Variants in ADGRL2 observed in about 807,000 individuals in gnomAD.
The protein encoded by ADGRL2 is adhesion G protein-coupled receptor L2.
ADGRL2 carries 44 observed loss-of-function variants against 157.4 expected under a neutral mutation model. The ratio of observed to expected loss-of-function variants is 0.28; its 90% CI spans 0.22 to 0.36. ADGRL2 has a LOEUF of 0.36. Among genes scored for constraint, ADGRL2 ranks in the 10% least tolerant of loss-of-function variants. The pLI is 1.00. For synonymous variants in ADGRL2, 585 were observed against 624.7 expected (o/e 0.94, Z 0.95); for missense variants, 1,510 against 1,768.9 (o/e 0.85, Z 2.63).
intron 3 of ADGRL2, among the ~76,000 whole-genome samples, chr1:81,604,010 C>G (rs980274840): frequency 1.4e-5 from 2 of 148,124 alleles, no homozygotes; most frequent in Non-Finnish European, 3.0e-5. Context: ...GTCCTTTAGG[C>G]TGGAATGCAG....
intron 3 of ADGRL2, among the ~76,000 whole-genome samples, chr1:81,586,777 T>G (rs575020664): frequency 6.6e-6 from 1 of 152,086 alleles, no homozygotes; most frequent in Admixed American, 6.6e-5. Flanking sequence ...GTCAAGCAAT[T>G]TTCTCTCACT....
At chr1:81,946,714 T>C (rs1649980178) in intron 6 of ADGRL2, among the ~76,000 whole-genome samples, 1 of 152,168 alleles carries the variant, frequency 6.6e-6, no homozygotes, top group South Asian at 2.1e-4. Context: ...GAATTCATAC[T>C]TCCGGAAATA....
At chr1:81,979,818 A>AT (rs766732992) in intron 17 of ADGRL2, 51 bp from the exon 18 acceptor site, 3 of 1,063,052 alleles carry the variant, frequency 2.8e-6, no homozygotes, top group Non-Finnish European at 2.9e-6. Flanking sequence ...AGAACTATTC[A>AT]TTTTTCAGCT....
intron 1 of ADGRL2, chr1:81,722,776 CGGAG>C (rs2084378057): frequency 2.6e-6 from 2 of 773,224 alleles, no homozygotes; most frequent in Admixed American, 3.8e-5. Flanking sequence ...TGAGAGAGCC[CGGAG>C]GGAGGAAGAA....
In ADGRL2 at chr1:81,343,080, C is replaced by CT. The variant is rs1662196774; in HGVS notation, c.-302+36577dup. On this transcript the variant is annotated intron_variant, in intron 1 of 24. Transcript: ENST00000370721. Reference sequence around the variant, plus strand: ...TTCTCTTTTTTTCTTTTCTTTTTTTCTTTTTTCTTTTCTTTTTTTTTTTTT... The same window carrying CT: ...TTCTCTTTTTTTCTTTTCTTTTTTTCTTTTTTTCTTTTCTTTTTTTTTTTTT... Among the ~76,000 whole-genome samples, 2 of 111,348 alleles carry CT rather than the reference C, an allele frequency of 1.8e-5. 1 individual carries two copies. The highest frequency in any genetic ancestry group is 7.3e-5 in the African/African-American group (2 of 27,316). The allele number at this position is 111,348 out of a possible 152,430, so 73.0% of individuals were successfully genotyped here. A position where few individuals can be genotyped will look rare whatever the true frequency, so the allele number is the denominator to read the frequency against.
Position 81,915,072 on chromosome 1 carries a change from C to G in ADGRL2, c.287+7842C>G, listed in dbSNP as rs192775160. Among the ~76,000 whole-genome samples the G allele has an allele frequency of 3.7e-4, 56 of 152,202 alleles. 1 individual carries two copies. The highest frequency in any genetic ancestry group is 1.3e-3 in the African/African-American group (56 of 41,528). ...AGAAAAGAGAGAAATAATGTCACAT[C>G]AAAAATTCTGCCCTATAGGATCCTT... is the stretch of plus-strand genomic sequence containing the variant. On this transcript the variant is annotated intron_variant, in intron 3 of 23. Coordinates refer to ENST00000686636, the MANE Select transcript of ADGRL2 (RefSeq NM_001366006.2).
intron 3 of ADGRL2, among the ~76,000 whole-genome samples, chr1:81,691,592 G>T (rs974945621): frequency 2.0e-5 from 3 of 151,708 alleles, no homozygotes; most frequent in African/African-American, 7.3e-5. Flanking sequence ...TCCACTTCCT[G>T]GGTTCAAGTG....
chr1:81,384,555 T>G (rs994582732), intron 1 of ADGRL2, among the ~76,000 whole-genome samples: 13 of 152,190 alleles, frequency 8.5e-5, no homozygotes, highest in Admixed American at 7.2e-4. Context: ...CTTTAAAAAA[T>G]GAATCATTTT....
intron 1 of ADGRL2, among the ~76,000 whole-genome samples, chr1:81,826,735 A>C (rs12758179): frequency 0.14 from 21,364 of 152,208 alleles, 1,667 homozygotes; most frequent in East Asian, 0.2. Flanking sequence ...CAGAGACATG[A>C]AAAAAGTCAT....
At chr1:81,662,587 C>G (rs191028922) in intron 3 of ADGRL2, among the ~76,000 whole-genome samples, 20 of 150,568 alleles carry the variant, frequency 1.3e-4, no homozygotes, top group Non-Finnish European at 2.2e-4. Flanking sequence ...CAGAGTCTCG[C>G]TCTGTCGCCC....
intron 3 of ADGRL2, among the ~76,000 whole-genome samples, chr1:81,681,988 A>C (rs2083127366): frequency 6.6e-6 from 1 of 152,218 alleles, no homozygotes; most frequent in Non-Finnish European, 1.5e-5. Flanking sequence ...GAATGAAGTA[A>C]AATTTAGAAA....
chr1:81,936,134 T>C (rs1171281617), intron 3 of ADGRL2, among the ~76,000 whole-genome samples: 3 of 151,938 alleles, frequency 2.0e-5, no homozygotes, highest in Non-Finnish European at 4.4e-5. Flanking sequence ...TTATCATTTA[T>C]GTGGACCATA....
intron 1 of ADGRL2, among the ~76,000 whole-genome samples, chr1:81,746,672 G>A (rs1027274333): frequency 1.1e-4 from 17 of 152,068 alleles, no homozygotes; most frequent in South Asian, 4.2e-4. Context: ...TATGTTTATA[G>A]TATATATTAT....
intron 1 of ADGRL2, among the ~76,000 whole-genome samples, chr1:81,388,261 C>T (rs965665483): frequency 6.6e-6 from 1 of 152,066 alleles, no homozygotes; most frequent in East Asian, 1.9e-4. Flanking sequence ...CAGGAGGATT[C>T]CTTGAGGCCT....
intron 3 of ADGRL2, among the ~76,000 whole-genome samples, chr1:81,597,944 C>T (rs774429227): frequency 1.3e-4 from 20 of 152,128 alleles, no homozygotes; most frequent in Non-Finnish European, 2.5e-4. Flanking sequence ...GCTATGAAAG[C>T]GGGTACACAA....
intron 3 of ADGRL2, among the ~76,000 whole-genome samples, chr1:81,634,330 T>G (rs1208324226): frequency 1.3e-5 from 2 of 152,096 alleles, no homozygotes; most frequent in African/African-American, 4.8e-5. Flanking sequence ...CAGTGATCTT[T>G]CCGAAGCTTA....
Position 81,428,931 on chromosome 1 carries a change from C to A in ADGRL2, c.-301-16105C>A, listed in dbSNP as rs72939096. ...GAGGCTGCTTCTTTATTTCAAGGTA[C>A]TCAGCATATCAAAATACCATATTTT... On this transcript the variant is annotated intron_variant, in intron 1 of 24. Coordinates refer to the ADGRL2 transcript ENST00000370721. Among the ~76,000 whole-genome samples the A allele has an allele frequency of 3.6e-3, 553 of 152,242 alleles. 1 individual carries two copies. Among genetic ancestry groups the A allele is most frequent in the African/African-American group, 0.013 (522 of 41,538 alleles).
intron 2 of ADGRL2, among the ~76,000 whole-genome samples, chr1:81,567,667 A>G (rs907842425): frequency 6.6e-6 from 1 of 152,086 alleles, no homozygotes; most frequent in Non-Finnish European, 1.5e-5. Context: ...TCAAGTCCCC[A>G]TTTGTCCGCT....
intron 2 of ADGRL2, among the ~76,000 whole-genome samples, chr1:81,573,014 A>T (rs1041890402): frequency 6.6e-6 from 1 of 151,818 alleles, no homozygotes; most frequent in African/African-American, 2.4e-5. Flanking sequence ...TAATCAAATC[A>T]TATTCATTAT....
Sources: gnomAD v4.1 joint callset for allele counts (sites outside exome capture counted in the v4.1 genomes callset) on GRCh38, gnomAD v4.1.1 for gene constraint, MANE v1.5 for transcripts, NCBI Gene and HGNC (gene_info 2026-07-23, HGNC 2026-07-21) for gene names.